The following PLXNA3 variants were observed in gnomAD, a reference collection of about 807,000 sequenced individuals.
PLXNA3 encodes plexin A3, also known as plexin-A3.
In PLXNA3, 52 loss-of-function variants were observed where a neutral mutation model predicts 118.8. The ratio of observed to expected loss-of-function variants is 0.44; its 90% CI spans 0.35 to 0.55. The LOEUF (loss-of-function observed/expected upper bound fraction) is 0.55. Among genes scored for constraint, PLXNA3 ranks in the 20% least tolerant of loss-of-function variants. The pLI is 0.01. For synonymous variants in PLXNA3, 925 were observed against 762.4 expected (o/e 1.21, Z -3.51); for missense variants, 1,660 against 1,730.8 (o/e 0.96, Z 0.73).
rs781967113 is a variant in PLXNA3, at chrX:154,461,395, G to C, written c.891G>C (p.Leu297=). The change falls in exon 3 of 33, where the codon CTG becomes CTC. Residue 297 remains leucine (L), a synonymous_variant. Transcript: ENST00000369682. ...ACCGCTTGGTGCAGAGCGCCCACCT[G>C]GCCAAGCCTGGCCTGCTGCTGGCCC... ...VEYRLVQSAH[L]AKPGLLLAQA... 9 of 1,210,544 alleles carry C rather than the reference G, an allele frequency of 7.4e-6. No homozygotes were observed. In the Admixed American group the frequency reaches 2.0e-4, roughly 26 times the overall value.
Position 154,464,825 on chromosome X carries a change from C to T in PLXNA3, c.2000C>T (p.Pro667Leu). The T allele has an allele frequency of 8.3e-7, 1 of 1,207,461 alleles. No individual in the cohort carries two copies. The highest frequency in any genetic ancestry group is 3.0e-5 in the East Asian group (1 of 33,762). ...CKYRHTCTSR[P>L]HECSFQEGRV... is the part of the protein sequence containing the mutation. The stretch of plus-strand genomic sequence containing the variant: ...TACCGCCACACGTGTACCAGCCGCC[C>T]CCACGAGTGCTCCTTCCAGGAGGGC... Residue 667 changes from proline (P) to leucine (L), a missense_variant, in exon 10 of 33, where the codon CCC becomes CTC. Around this residue, in one of 2 missense-constraint regions of PLXNA3, gnomAD observed 791 missense variants for 652.1 expected, o/e 1.21. Coordinates refer to ENST00000369682, the MANE Select transcript of PLXNA3 (RefSeq NM_017514.5).
intron 30 of PLXNA3, chrX:154,470,885 G>T (rs111359932): frequency 2.1e-4 from 94 of 445,159 alleles, no homozygotes; most frequent in African/African-American, 1.9e-3. Flanking sequence ...GTCGCAGGTG[G>T]TGAGAGCGGT....
Position 154,461,587 on chromosome X carries a change from C to T in PLXNA3, c.1083C>T (p.Gly361=). Residue 361 remains glycine (G), a synonymous_variant, in exon 3 of 33, where the codon GGC becomes GGT. Transcript: ENST00000369682. ...RRIQSCYRGE[G]TLALPWLLNK... is the part of the protein sequence containing the mutation. ...TCCAGTCCTGCTATCGTGGGGAGGG[C>T]ACTCTGGCTCTGCCCTGGCTGCTGA... is the stretch of plus-strand genomic sequence containing the variant. 1.7e-6 allele frequency: 2 copies of T among 1,204,619 alleles called. No homozygotes were observed. Among genetic ancestry groups the T allele is most frequent in the Non-Finnish European group, 2.2e-6 (2 of 894,621 alleles).
rs782503035 is a variant in PLXNA3, at chrX:154,467,814, G to A, written c.3633G>A (p.Ser1211=). ...TCTGGCTGGGCACCCTGCACATCTC[G>A]GCAGAGCGGGCGCTGACCCTACCGG... is the stretch of plus-strand genomic sequence containing the variant. ...LEFWLGTLHI[S]AERALTLPAM... is the part of the protein sequence containing the mutation. The change falls in exon 21 of 33, where the codon TCG becomes TCA. Residue 1211 remains serine (S), a synonymous_variant. Coordinates refer to ENST00000369682, the MANE Select transcript of PLXNA3 (RefSeq NM_017514.5). 21 of 1,202,260 alleles carry A rather than the reference G, an allele frequency of 1.7e-5. No homozygotes were observed. The highest frequency in any genetic ancestry group is 8.8e-5 in the South Asian group (5 of 56,742).
In PLXNA3 at chrX:154,467,210, C is replaced by T. The variant is rs373707380; in HGVS notation, c.3202-22C>T. The stretch of plus-strand genomic sequence containing the variant: ...GCAGCCCATGGCTTCACGTGCCTGG[C>T]TGTCCACCTTTGTCCCCACAGACAT... On this transcript the variant is annotated intron_variant, in intron 18 of 32. Transcript: ENST00000369682. 7.4e-6 allele frequency: 9 copies of T among 1,208,622 alleles called. No homozygotes were observed. In the African/African-American group the frequency reaches 1.2e-4, roughly 16 times the overall value.
chrX:154,463,854 C>G lies in PLXNA3; in HGVS notation c.1548-97C>G, dbSNP rs1459951827. The G allele has an allele frequency of 3.7e-6, 4 of 1,084,365 alleles. No individual in the cohort carries two copies. In the African/African-American group the frequency reaches 5.5e-5, roughly 15 times the overall value. The allele number at this position is 1,084,365 out of a possible 1,213,427, so 89.4% of individuals were successfully genotyped here. On this transcript the variant is annotated intron_variant, in intron 6 of 32. Coordinates refer to ENST00000369682, the MANE Select transcript of PLXNA3 (RefSeq NM_017514.5). ...GTGACGTCCCTCGGGCCCCAGGGGACGCGGCCAAGGCTCGCTGTTGCCTGG... is the reference window on the plus strand; with the variant it reads ...GTGACGTCCCTCGGGCCCCAGGGGAGGCGGCCAAGGCTCGCTGTTGCCTGG...
intron 31 of PLXNA3, 63 bp downstream of exon 31, chrX:154,471,380 C>G (rs369944669): frequency 4.5e-5 from 52 of 1,146,333 alleles, no homozygotes; most frequent in Non-Finnish European, 5.8e-5. Context: ...GCTGCCTGTG[C>G]GAGGCAGGCC....
At chrX:154,461,880 C>G (rs1473963267) in intron 3 of PLXNA3, among the ~76,000 whole-genome samples, 1 of 112,223 alleles carries the variant, frequency 8.9e-6, no homozygotes, top group Non-Finnish European at 1.9e-5. Context: ...GCTCCGTCTC[C>G]CGGTTGCCCC....
chrX:154,465,868 C>A, intron 13 of PLXNA3, 21 bp downstream of exon 13: 1 of 1,208,834 alleles, frequency 8.3e-7, no homozygotes, highest in Non-Finnish European at 1.1e-6. Flanking sequence ...CTCACCGCCC[C>A]TGCCCACTGC....
chrX:154,469,290 C>T, intron 26 of PLXNA3, 75 bp downstream of exon 26: 5 of 1,156,985 alleles, frequency 4.3e-6, no homozygotes, highest in Non-Finnish European at 4.7e-6. Context: ...GGCTCTCCCG[C>T]TCCCCACCTG....
Position 154,472,428 on chromosome X carries a change from A to G in PLXNA3, c.5521-162A>G, listed in dbSNP as rs782342553. 4.8e-5 allele frequency among the ~76,000 whole-genome samples: 5 copies of G among 104,368 alleles called. No homozygotes were observed. The East Asian group carries it at 1.3e-3, about 26-fold the overall frequency. The allele number at this position is 104,368 out of a possible 115,157, so 90.6% of individuals were successfully genotyped here. On this transcript the variant is annotated intron_variant, in intron 32 of 32. Coordinates refer to ENST00000369682, the MANE Select transcript of PLXNA3 (RefSeq NM_017514.5). ...GAGAAAGTGCTGTCGTCGGAGGGGC[A>G]TTTGGGGCTGGGGAGAGCTGGTGGG...
At position 154,462,147 on chromosome X, in the gene PLXNA3, A is replaced by G. The variant is rs2068980596; in HGVS notation, c.1154A>G (p.Asn385Ser). The change falls in exon 4 of 33, where the codon AAC becomes AGC. Residue 385 changes from asparagine (N) to serine (S), a missense_variant. Around this residue, in one of 2 missense-constraint regions of PLXNA3, gnomAD observed 791 missense variants for 652.1 expected, o/e 1.21. Transcript: ENST00000369682. ...CINTPMQING[N>S]FCGLVLNQPL... ...CACCAGCCCATGCAGATCAACGGCA[A>G]CTTCTGTGGGCTGGTGTTGAACCAG... 8.4e-7 allele frequency: 1 copy of G among 1,194,821 alleles called. No individual in the cohort carries two copies. The highest frequency in any genetic ancestry group is 1.1e-6 in the Non-Finnish European group (1 of 886,892).
Position 154,472,784 on chromosome X carries a change from GA to G in PLXNA3, c.*100del. On this transcript the variant is annotated 3_prime_UTR_variant, in exon 33 of 33. Transcript: ENST00000369682. ...GCCTGGGTCCCCGGGCTGAGCCCTGGATTGGGTATCGTGGGGCAGGTCACCC... is the reference window on the plus strand; with the variant it reads ...GCCTGGGTCCCCGGGCTGAGCCCTGGTTGGGTATCGTGGGGCAGGTCACCC... 1.6e-6 allele frequency: 1 copy of G among 626,866 alleles called. No homozygotes were observed. Among genetic ancestry groups the G allele is most frequent in the Non-Finnish European group, 2.7e-6 (1 of 377,253 alleles). 51.7% of individuals were successfully genotyped at this position (626,866 alleles called of 1,213,427 possible).
chrX:154,461,231 CTGGACACCCAGCAGACGCTGT>C lies in PLXNA3; in HGVS notation c.735_755del (p.Gln246_Thr252del), dbSNP rs1569554136. ...CTTCGTGTACTTCCTGACGCTGCAG[CTGGACACCCAGCAGACGCTGT>C]TGGACACAGCGGGCGAGAAATTTTT... On this transcript the variant is annotated inframe_deletion, in exon 3 of 33. Coordinates refer to ENST00000369682, the MANE Select transcript of PLXNA3 (RefSeq NM_017514.5). The C allele has an allele frequency of 9.9e-6, 12 of 1,212,672 alleles. No homozygotes were observed. Among genetic ancestry groups the C allele is most frequent in the South Asian group, 3.5e-5 (2 of 57,101 alleles).
At position 154,474,663 on chromosome X, in the gene PLXNA3, G is replaced by C. The variant is rs1223026218; in HGVS notation, c.*1978G>C. The C allele has an allele frequency of 1.9e-5, 2 of 105,485 alleles. No individual in the cohort carries two copies. Among genetic ancestry groups the C allele is most frequent in the African/African-American group, 6.9e-5 (2 of 28,842 alleles). The allele number at this position is 105,485 out of a possible 1,213,427, so 8.7% of individuals were successfully genotyped here. A position where few individuals can be genotyped will look rare whatever the true frequency, so the allele number is the denominator to read the frequency against. On this transcript the variant is annotated 3_prime_UTR_variant, in exon 33 of 33. Coordinates refer to ENST00000369682, the MANE Select transcript of PLXNA3 (RefSeq NM_017514.5). ...CGGCTAATTTTTTGTATTTTTAGTA[G>C]AGACGGGGTTTTACTGTGTTAGCCA...
In PLXNA3 at chrX:154,475,561, C is replaced by T. The variant is rs782013665; in HGVS notation, c.*2876C>T. 8.9e-6 allele frequency: 1 copy of T among 111,879 alleles called. No individual in the cohort carries two copies. The highest frequency in any genetic ancestry group is 3.2e-5 in the African/African-American group (1 of 30,821). The allele number at this position is 111,879 out of a possible 1,213,427, so 9.2% of individuals were successfully genotyped here. Reference sequence around the variant, plus strand: ...GTGGTTATAGGACCGTAGGTGTTTACCAAAACTAGACAAGTCCACATAACA... The same window carrying T: ...GTGGTTATAGGACCGTAGGTGTTTATCAAAACTAGACAAGTCCACATAACA... On this transcript the variant is annotated 3_prime_UTR_variant, in exon 33 of 33. Coordinates refer to ENST00000369682, the MANE Select transcript of PLXNA3 (RefSeq NM_017514.5).
At chrX:154,462,539 C>G (rs1557205165) in intron 4 of PLXNA3, among the ~76,000 whole-genome samples, 3 of 112,362 alleles carry the variant, frequency 2.7e-5, no homozygotes. Flanking sequence ...GAATTGCCAG[C>G]TTCGTATGGC....
Position 154,465,045 on chromosome X carries a change from G to A in PLXNA3, c.2071G>A (p.Asp691Asn). ...CTGCCCTGAGATCCTGCCCAGTGGG[G>A]ACCTCCTGATCCCCGTTGGGGTCAT... is the stretch of plus-strand genomic sequence containing the variant. ...EGCPEILPSG[D>N]LLIPVGVMQP... The change falls in exon 11 of 33, where the codon GAC becomes AAC. Residue 691 changes from aspartate (D) to asparagine (N), a missense_variant. Asp to Asn is a conservative substitution (Grantham distance 23). Around this residue, in one of 2 missense-constraint regions of PLXNA3, gnomAD observed 791 missense variants for 652.1 expected, o/e 1.21. Coordinates refer to ENST00000369682, the MANE Select transcript of PLXNA3 (RefSeq NM_017514.5). 1 of 1,208,190 alleles carries A rather than the reference G, an allele frequency of 8.3e-7. No homozygotes were observed. Among genetic ancestry groups the A allele is most frequent in the Non-Finnish European group, 1.1e-6 (1 of 893,863 alleles).
In PLXNA3 at chrX:154,460,393, C is replaced by T. The variant is rs57535644; in HGVS notation, c.210C>T (p.Pro70=). Residue 70 remains proline (P), a synonymous_variant, in exon 2 of 33, where the codon CCC becomes CCT. Transcript: ENST00000369682. ...LTELRAHVTG[P]VEDNARCYPP... is the part of the protein sequence containing the mutation. ...AGCTGCGGGCCCATGTCACGGGGCC[C>T]GTCGAGGACAACGCTCGCTGCTACC... The T allele has an allele frequency of 9.5e-5, 115 of 1,206,074 alleles. No homozygotes were observed. The highest frequency in any genetic ancestry group is 3.3e-4 in the East Asian group (11 of 33,710).
Sources: gnomAD v4.1 joint callset for allele counts (sites outside exome capture counted in the v4.1 genomes callset) on GRCh38, gnomAD v4.1.1 for gene constraint, gnomAD v4.1.1 regional missense constraint, MANE v1.5 for transcripts, NCBI Gene and HGNC (gene_info 2026-07-23, HGNC 2026-07-21) for gene names.